The following CSMD3 variants were observed in gnomAD, a reference collection of about 807,000 sequenced individuals.
CSMD3 encodes the protein CUB and Sushi multiple domains 3, also known as CUB and sushi domain-containing protein 3.
In CSMD3, 177 loss-of-function variants were observed where a neutral mutation model predicts 435.2. The ratio of observed to expected loss-of-function variants is 0.41; its 90% confidence interval spans 0.36 to 0.46. The LOEUF is 0.46. CSMD3 is among the 20% of genes least tolerant of loss of function. CSMD3 has a pLI of 0.34. For synonymous variants in CSMD3, 1,656 were observed against 1,520.5 expected, an observed-to-expected ratio of 1.09 and a Z score of -2.07; for missense variants, 4,265 against 4,504.6, an observed-to-expected ratio of 0.95 and a Z score of 1.52.
chr8:113,207,024 C>T (rs1745777039), intron 3 of CSMD3, among the ~76,000 whole-genome samples: 1 of 152,102 alleles, frequency 6.6e-6, no homozygotes. Context: ...CTGTGTTCTC[C>T]AAACAGATAT....
At chr8:113,097,876 A>G (rs1475619064) in intron 5 of CSMD3, among the ~76,000 whole-genome samples, 3 of 151,930 alleles carry the variant, frequency 2.0e-5, no homozygotes, top group African/African-American at 7.2e-5. Flanking sequence ...TCCATTACAA[A>G]GTCCTTTTGA....
chr8:112,901,343 C>T (rs1164693459), intron 10 of CSMD3, among the ~76,000 whole-genome samples: 1 of 151,252 alleles, frequency 6.6e-6, no homozygotes, highest in Non-Finnish European at 1.5e-5. Context: ...CAGGCTGCTA[C>T]AGTGGTGCTT....
At chr8:113,169,279 T>C (rs1389574154) in intron 4 of CSMD3, among the ~76,000 whole-genome samples, 1 of 152,134 alleles carries the variant, frequency 6.6e-6, no homozygotes, top group Non-Finnish European at 1.5e-5. Context: ...GTTTCCTCAT[T>C]AGCCCTTTTG....
intron 30 of CSMD3, among the ~76,000 whole-genome samples, chr8:112,495,664 A>G (rs1241851905): frequency 6.6e-6 from 1 of 152,162 alleles, no homozygotes; most frequent in East Asian, 1.9e-4. Context: ...AAAAATGTCT[A>G]GGCAGTAGCT....
rs71309787 is a variant in CSMD3, at chr8:112,747,183, C to CTTTT, written c.1972+52975_1972+52978dup. On this transcript the variant is annotated intron_variant, in intron 13 of 70. Coordinates refer to ENST00000297405, the MANE Select transcript of CSMD3 (RefSeq NM_198123.2). The stretch of plus-strand genomic sequence containing the variant: ...TATGATTATTTGTCTGCACACTTCC[C>CTTTT]TTTTTTTTTTTTTTTTTTTTTTTTT... 2.4e-3 allele frequency among the ~76,000 whole-genome samples: 65 copies of CTTTT among 26,878 alleles called. 2 individuals carry two copies. Among genetic ancestry groups the CTTTT allele is most frequent in the Non-Finnish European group, 3.3e-3 (57 of 17,148 alleles). 17.6% of individuals were successfully genotyped at this position (26,878 alleles called of 152,430 possible).
intron 2 of CSMD3, among the ~76,000 whole-genome samples, chr8:113,286,631 G>C (rs1215774686): frequency 6.6e-6 from 1 of 151,458 alleles, no homozygotes; most frequent in Non-Finnish European, 1.5e-5. Flanking sequence ...ATGTTTATTA[G>C]GTTTTAACTG....
intron 6 of CSMD3, among the ~76,000 whole-genome samples, chr8:112,986,300 A>C (rs2085252181): frequency 6.6e-6 from 1 of 152,164 alleles, no homozygotes; most frequent in Admixed American, 6.6e-5. Context: ...CTTGATATTA[A>C]TTTAGACTTA....
chr8:113,388,859 A>T (rs2094450028), intron 1 of CSMD3, among the ~76,000 whole-genome samples: 1 of 151,570 alleles, frequency 6.6e-6, no homozygotes, highest in African/African-American at 2.4e-5. Flanking sequence ...CAAATTTGGT[A>T]ATCAAATAAA....
chr8:112,954,731 C>A lies in CSMD3; in HGVS notation c.1373G>T (p.Gly458Val). Reference protein sequence around the residue: ...VKKAIDFKSRGFKLFPGKDNS... With the variant: ...VKKAIDFKSRVFKLFPGKDNS... ...GTCTTTCCCTGGAAACAATTTAAAT[C>A]CTCTAGATTTAAAATCTATGGCCTT... The change falls in exon 8 of 71, where the codon GGA (glycine) becomes GTA (valine). Residue 458 changes from glycine to valine, a missense_variant. Physicochemically the swap from Gly to Val is moderately radical, Grantham distance 109. Around this residue, in one of 3 missense-constraint regions of CSMD3, gnomAD observed 731 missense variants for 755.4 expected, o/e 0.97. Transcript: ENST00000297405. 1.3e-6 allele frequency: 2 copies of A among 1,597,178 alleles called. No homozygotes were observed. Among genetic ancestry groups the A allele is most frequent in the Non-Finnish European group, 1.7e-6 (2 of 1,166,084 alleles).
chr8:112,962,256 T>G (rs1387023253), intron 7 of CSMD3, among the ~76,000 whole-genome samples: 4 of 151,850 alleles, frequency 2.6e-5, no homozygotes, highest in Non-Finnish European at 5.9e-5. Context: ...AAGTTAATTT[T>G]ATCATAGATA....
At chr8:113,407,568 A>ATG (rs377056653) in intron 1 of CSMD3, among the ~76,000 whole-genome samples, 14 of 151,116 alleles carry the variant, frequency 9.3e-5, no homozygotes, top group African/African-American at 2.4e-4. Flanking sequence ...ACACATATAT[A>ATG]TGTGTGTGTG....
At chr8:112,959,669 T>C (rs2084157974) in intron 7 of CSMD3, among the ~76,000 whole-genome samples, 1 of 151,890 alleles carries the variant, frequency 6.6e-6, no homozygotes, top group South Asian at 2.1e-4. Context: ...TCTTATCTTT[T>C]ACTTTATAGT....
intron 23 of CSMD3, among the ~76,000 whole-genome samples, chr8:112,581,163 T>C (rs1830309831): frequency 1.3e-5 from 2 of 152,060 alleles, no homozygotes; most frequent in South Asian, 4.1e-4. Context: ...GAATTTAAGT[T>C]TTTATTATTA....
In CSMD3 at chr8:113,173,863, A is replaced by G. The variant is rs751712816; in HGVS notation, c.568T>C (p.Tyr190His). The G allele has an allele frequency of 1.2e-6, 2 of 1,613,942 alleles. No individual in the cohort carries two copies. Among genetic ancestry groups the G allele is most frequent in the Non-Finnish European group, 1.7e-6 (2 of 1,179,884 alleles). The change falls in exon 4 of 71, where the codon TAT (tyrosine) becomes CAT (histidine). Residue 190 changes from tyrosine to histidine, a missense_variant. Coordinates refer to ENST00000297405, the MANE Select transcript of CSMD3 (RefSeq NM_198123.2). ...NPGVPPKGVL[Y>H]GTRFDVGDKI... ...TCCCCGACGTCGAATCTTGTGCCAT[A>G]TAATACACCTTTGGGTGGAACACCA...
At chr8:112,753,571 T>C (rs2077623253) in intron 13 of CSMD3, among the ~76,000 whole-genome samples, 1 of 152,206 alleles carries the variant, frequency 6.6e-6, no homozygotes, top group Non-Finnish European at 1.5e-5. Context: ...TTCAGGAGCC[T>C]CTATATGCCA....
At chr8:113,168,402 TC>T (rs1161183111) in intron 4 of CSMD3, among the ~76,000 whole-genome samples, 1 of 151,174 alleles carries the variant, frequency 6.6e-6, no homozygotes, top group Non-Finnish European at 1.5e-5. Flanking sequence ...ACGCCTGTTG[TC>T]CCAGCTACTT....
intron 4 of CSMD3, among the ~76,000 whole-genome samples, chr8:113,143,771 A>T (rs766165517): frequency 9.2e-5 from 14 of 151,580 alleles, no homozygotes; most frequent in Non-Finnish European, 1.8e-4. Context: ...TGAATTGATT[A>T]GTGATTGTAA....
At chr8:112,940,938 T>C (rs1217386809) in intron 9 of CSMD3, among the ~76,000 whole-genome samples, 1 of 151,810 alleles carries the variant, frequency 6.6e-6, no homozygotes, top group Non-Finnish European at 1.5e-5. Context: ...TAATTACATT[T>C]ATTGAGCTCT....
chr8:112,302,746 A>G (rs1174288162), intron 52 of CSMD3, among the ~76,000 whole-genome samples: 1 of 151,990 alleles, frequency 6.6e-6, no homozygotes, highest in Non-Finnish European at 1.5e-5. Context: ...AGAGAAATAG[A>G]AAACTTTCAA....
Sources: gnomAD v4.1 joint callset for allele counts (sites outside exome capture counted in the v4.1 genomes callset) on GRCh38, gnomAD v4.1.1 for gene constraint, gnomAD v4.1.1 regional missense constraint, MANE v1.5 for transcripts, NCBI Gene and HGNC (gene_info 2026-07-23, HGNC 2026-07-21) for gene names.